Variants in TXLNA observed in about 807,000 individuals in gnomAD.
TXLNA encodes the protein alpha-taxilin.
TXLNA carries 9 observed loss-of-function variants against 61.4 expected under a neutral mutation model. That is an observed-to-expected ratio of 0.15 (90% CI 0.09 to 0.26). The LOEUF (loss-of-function observed/expected upper bound fraction) is 0.26. TXLNA is among the 10% of genes least tolerant of loss of function. The pLI is 1.00. For synonymous variants in TXLNA, 257 were observed against 267.7 expected, an observed-to-expected ratio of 0.96 and a Z score of 0.39; for missense variants, 565 against 688.8, an observed-to-expected ratio of 0.82 and a Z score of 2.01.
intron 4 of TXLNA, among the ~76,000 whole-genome samples, chr1:32,186,417 AGT>A (rs748454886): frequency 0.04 from 6,146 of 152,184 alleles, 171 homozygotes; most frequent in Middle Eastern, 0.082. Flanking sequence ...GAAGGAGAGG[AGT>A]GTGAATAGCA....
intron 4 of TXLNA, among the ~76,000 whole-genome samples, chr1:32,184,904 C>T (rs1189348219): frequency 2.6e-5 from 4 of 152,202 alleles, no homozygotes; most frequent in Non-Finnish European, 5.9e-5. Flanking sequence ...ATGCTTCTTC[C>T]TCAAATACAG....
intron 9 of TXLNA, 74 bp downstream of exon 9, chr1:32,193,374 A>G: frequency 8.6e-7 from 1 of 1,159,548 alleles, no homozygotes. Context: ...GCCTGCCTTC[A>G]GGAAGCTCCC....
In TXLNA at chr1:32,192,423, A is replaced by C. The variant is rs1458547473; in HGVS notation, c.1076A>C (p.Lys359Thr). 1 of 1,611,004 alleles carries C rather than the reference A, an allele frequency of 6.2e-7. No individual in the cohort carries two copies. The highest frequency in any genetic ancestry group is 8.5e-7 in the Non-Finnish European group (1 of 1,178,558). ...GCAGAAGAGCGGCACCAGCGGGAGA[A>C]GGATTTTGTGAGGCTCAGGCCCCAG... ...KEAEERHQRE[K>T]DFLLKEAVES... The change falls in exon 7 of 11, where the codon AAG (lysine) becomes ACG (threonine). Residue 359 changes from lysine (K) to threonine (T), a missense_variant. Physicochemically the swap from Lys to Thr is moderately conservative, Grantham distance 78. This residue lies in a region of TXLNA where 373 missense variants were observed against 504.0 expected (regional missense o/e 0.74). Coordinates refer to ENST00000373610, the MANE Select transcript of TXLNA (RefSeq NM_175852.4). This position sits in a 1 kb window ranked among gnomAD's most constrained non-coding sequence, Gnocchi z 4.2.
intron 3 of TXLNA, among the ~76,000 whole-genome samples, chr1:32,183,768 C>T (rs1012915235): frequency 1.3e-5 from 2 of 148,416 alleles, no homozygotes; most frequent in Non-Finnish European, 3.0e-5. Flanking sequence ...GACAGAGTCT[C>T]GCTCTGTCAC....
At chr1:32,182,744 A>T (rs1642694187) in intron 3 of TXLNA, among the ~76,000 whole-genome samples, 1 of 151,090 alleles carries the variant, frequency 6.6e-6, no homozygotes, top group Admixed American at 6.6e-5. Flanking sequence ...CCCCTTATGT[A>T]TCCTCTTACT....
intron 3 of TXLNA, among the ~76,000 whole-genome samples, chr1:32,183,837 A>G (rs1408248503): frequency 6.6e-6 from 1 of 150,870 alleles, no homozygotes; most frequent in African/African-American, 2.4e-5. Flanking sequence ...CCTGGGTTCA[A>G]GCGATTCTCC....
Position 32,188,069 on chromosome 1 carries a change from G to A in TXLNA, c.713G>A (p.Arg238His), listed in dbSNP as rs1193065237. ...RGEHSKAVLARSKLESLCREL... is the reference protein window; with the variant it reads ...RGEHSKAVLAHSKLESLCREL... The stretch of plus-strand genomic sequence containing the variant: ...GAGCACAGCAAGGCCGTCCTGGCCC[G>A]CAGCAAGCTTGAGAGCCTATGCCGT... Residue 238 changes from arginine to histidine, a missense_variant, in exon 5 of 11, where the codon CGC (arginine) becomes CAC (histidine). By Grantham distance (29) the Arg-to-His change is conservative. Around this residue, in one of 2 missense-constraint regions of TXLNA, gnomAD observed 373 missense variants for 504.0 expected, o/e 0.74. Coordinates refer to ENST00000373610, the MANE Select transcript of TXLNA (RefSeq NM_175852.4). The A allele has an allele frequency of 2.5e-6, 4 of 1,592,480 alleles. No homozygotes were observed. The highest frequency in any genetic ancestry group is 1.1e-5 in the South Asian group (1 of 87,960).
In TXLNA at chr1:32,197,848, G is replaced by T. The variant is rs890494596; in HGVS notation, c.*2653G>T. On this transcript the variant is annotated 3_prime_UTR_variant, in exon 11 of 11. Coordinates refer to ENST00000373610, the MANE Select transcript of TXLNA (RefSeq NM_175852.4). This position sits in a 1 kb window ranked among gnomAD's most constrained non-coding sequence, Gnocchi z 4.6. ...TTATTTGTTGTTTGTTTTCCATGAGGTTATCGGACCATGGGCTGAGCTCAG... is the reference window on the plus strand; with the variant it reads ...TTATTTGTTGTTTGTTTTCCATGAGTTTATCGGACCATGGGCTGAGCTCAG... 2 of 152,206 alleles carry T rather than the reference G, an allele frequency of 1.3e-5. No homozygotes were observed. Among genetic ancestry groups the T allele is most frequent in the Admixed American group, 6.5e-5 (1 of 15,286 alleles). The allele number at this position is 152,206 out of a possible 1,614,324, so 9.4% of individuals were successfully genotyped here. A position where few individuals can be genotyped will look rare whatever the true frequency, so the allele number is the denominator to read the frequency against.
At chr1:32,187,530 G>C (rs1237734828) in intron 4 of TXLNA, among the ~76,000 whole-genome samples, 1 of 152,138 alleles carries the variant, frequency 6.6e-6, no homozygotes, top group African/African-American at 2.4e-5. Flanking sequence ...TGAACGCAGC[G>C]CTAACGTTTT....
At chr1:32,189,709 A>T (rs1311638513) in intron 5 of TXLNA, among the ~76,000 whole-genome samples, 1 of 151,880 alleles carries the variant, frequency 6.6e-6, no homozygotes, top group African/African-American at 2.4e-5. Flanking sequence ...CACGCCGGCT[A>T]ATTTTTGTAT....
Position 32,195,627 on chromosome 1 carries a change from G to A in TXLNA, c.*432G>A, listed in dbSNP as rs1223540134. The A allele has an allele frequency of 2.4e-6, 1 of 425,488 alleles. No homozygotes were observed. Among genetic ancestry groups the A allele is most frequent in the Non-Finnish European group, 4.7e-6 (1 of 214,904 alleles). 26.4% of individuals were successfully genotyped at this position (425,488 alleles called of 1,614,324 possible). A position where few individuals can be genotyped will look rare whatever the true frequency, so the allele number is the denominator to read the frequency against. ...CCCAGGTCTTGACTGCATTTGTCTT[G>A]TGAGCAGGGCTTGCTTGGTCAGCTC... On this transcript the variant is annotated 3_prime_UTR_variant, in exon 11 of 11. Transcript: ENST00000373610.
intron 4 of TXLNA, among the ~76,000 whole-genome samples, chr1:32,187,043 C>T (rs367911468): frequency 2.6e-4 from 39 of 152,194 alleles, no homozygotes; most frequent in African/African-American, 9.1e-4. Flanking sequence ...AGATTACAGG[C>T]GCATGCCACC....
chr1:32,181,376 G>A lies in TXLNA; in HGVS notation c.304G>A (p.Gly102Ser), dbSNP rs763252107. The change falls in exon 3 of 11, where the codon GGT (glycine) becomes AGT (serine). Residue 102 changes from glycine to serine, a missense_variant. Physicochemically the swap from Gly to Ser is moderately conservative, Grantham distance 56. This residue lies in a region of TXLNA where 192 missense variants were observed against 184.8 expected (regional missense o/e 1.04). Coordinates refer to ENST00000373610, the MANE Select transcript of TXLNA (RefSeq NM_175852.4). ...GGGCCCCGGCGAGGATGGGGCACAG[G>A]GTGAGCCGGCTGAACCCGAAGATGC... ...QGGPGEDGAQ[G>S]EPAEPEDAEK... 2 of 1,614,196 alleles carry A rather than the reference G, an allele frequency of 1.2e-6. No individual in the cohort carries two copies. Among genetic ancestry groups the A allele is most frequent in the Non-Finnish European group, 1.7e-6 (2 of 1,180,038 alleles).
intron 4 of TXLNA, among the ~76,000 whole-genome samples, chr1:32,186,413 G>T (rs1642790740): frequency 6.6e-6 from 1 of 151,104 alleles, no homozygotes; most frequent in Non-Finnish European, 1.5e-5. Context: ...TCTGGAAGGA[G>T]AGGAGTGTGA....
intron 9 of TXLNA, among the ~76,000 whole-genome samples, chr1:32,193,802 C>T (rs534077683): frequency 6.6e-6 from 1 of 152,186 alleles, no homozygotes; most frequent in Admixed American, 6.5e-5. Flanking sequence ...AGTGATCTGC[C>T]CGCCTTGGCC....
At chr1:32,184,865 G>T (rs1642746992) in intron 4 of TXLNA, among the ~76,000 whole-genome samples, 1 of 152,168 alleles carries the variant, frequency 6.6e-6, no homozygotes, top group Non-Finnish European at 1.5e-5. Context: ...CTTGTTCCTG[G>T]CCTGAGTCCA....
At position 32,194,824 on chromosome 1, in the gene TXLNA, A is replaced by C. The variant is rs1642981648; in HGVS notation, c.1348-78A>C. On this transcript the variant is annotated intron_variant, in intron 10 of 10. Transcript: ENST00000373610. ...ACTCGGTCTGCTCTCAGCCTTGTTAAAGTGTTTGCCGCCAAGTGGTGATGG... is the reference window on the plus strand; with the variant it reads ...ACTCGGTCTGCTCTCAGCCTTGTTACAGTGTTTGCCGCCAAGTGGTGATGG... The C allele has an allele frequency of 2.0e-6, 3 of 1,507,074 alleles. No homozygotes were observed. The East Asian group carries it at 6.8e-5, about 34-fold the overall frequency. 93.4% of individuals were successfully genotyped at this position (1,507,074 alleles called of 1,614,324 possible).
At position 32,189,551 on chromosome 1, in the gene TXLNA, T is replaced by C. The variant is rs546833766; in HGVS notation, c.769-504T>C. ...CTGCATTTTTTCTTCCTTTTTTTTT[T>C]TTTGGGGACGGAGTCTTGCTCTGTG... On this transcript the variant is annotated intron_variant, in intron 5 of 10. Transcript: ENST00000373610. Among the ~76,000 whole-genome samples, 138 of 151,894 alleles carry C rather than the reference T, an allele frequency of 9.1e-4. 1 individual carries two copies. The highest frequency in any genetic ancestry group is 4.9e-3 in the Admixed American group (75 of 15,272).
chr1:32,183,908 T>C (rs1315406316), intron 3 of TXLNA, among the ~76,000 whole-genome samples: 1 of 151,366 alleles, frequency 6.6e-6, no homozygotes, highest in Non-Finnish European at 1.5e-5. Flanking sequence ...AGCTAATTTT[T>C]TTGTGTATGT....
Sources: allele counts gnomAD v4.1 joint callset (sites outside exome capture counted in the v4.1 genomes callset), GRCh38; gene constraint gnomAD v4.1.1; regional missense constraint gnomAD v4.1.1; non-coding constraint Gnocchi (gnomAD v3.1); transcripts MANE v1.5; gene names NCBI Gene and HGNC (gene_info 2026-07-23, HGNC 2026-07-21).